Variants in SYNE2 observed in about 807,000 individuals in gnomAD.
SYNE2 encodes the protein nesprin-2.
SYNE2 carries 431 observed loss-of-function variants against 856.3 expected under a neutral mutation model. That is an observed-to-expected ratio of 0.50 (90% CI 0.47 to 0.55). The LOEUF (loss-of-function observed/expected upper bound fraction) is 0.55. Among genes scored for constraint, SYNE2 ranks in the 20% least tolerant of loss-of-function variants. The pLI is 0.00. For missense variants in SYNE2, 8,129 were observed against 8,023.2 expected (o/e 1.01, Z -0.50); for synonymous variants, 2,923 against 2,872.3 (o/e 1.02, Z -0.56).
chr14:63,861,300 A>G (rs1181494800), intron 1 of SYNE2, among the ~76,000 whole-genome samples: 1 of 151,724 alleles, frequency 6.6e-6, no homozygotes, highest in African/African-American at 2.4e-5. Context: ...GCGCACCACC[A>G]CGCCCAGCTA....
intron 112 of SYNE2, among the ~76,000 whole-genome samples, chr14:64,222,667 A>T (rs896775634): frequency 4.6e-5 from 7 of 152,238 alleles, no homozygotes; most frequent in African/African-American, 1.7e-4. Flanking sequence ...CGGAGGTTGC[A>T]GTGAGCCCAG....
chr14:64,018,729 A>G (rs1244968888), intron 34 of SYNE2, among the ~76,000 whole-genome samples: 1 of 152,218 alleles, frequency 6.6e-6, no homozygotes, highest in African/African-American at 2.4e-5. Context: ...CTCCGGCTAT[A>G]GTTAACCTCC....
Position 63,993,875 on chromosome 14 carries a change from A to G in SYNE2, c.2687A>G (p.Tyr896Cys). The G allele has an allele frequency of 1.2e-6, 2 of 1,611,464 alleles. No homozygotes were observed. The highest frequency in any genetic ancestry group is 1.7e-6 in the Non-Finnish European group (2 of 1,178,578). The change falls in exon 22 of 116, where the codon TAT (tyrosine) becomes TGT (cysteine). Residue 896 changes from tyrosine (Y) to cysteine (C), a missense_variant. By Grantham distance (194) the Tyr-to-Cys change is radical (BLOSUM62 -2). Coordinates refer to ENST00000555002, the MANE Select transcript of SYNE2 (RefSeq NM_182914.3). ...TCTAATACAAAAAGTCTGGCCAAGTATTTGAAAGCTGTTGAAGAACTAAAA... is the reference window on the plus strand; with the variant it reads ...TCTAATACAAAAAGTCTGGCCAAGTGTTTGAAAGCTGTTGAAGAACTAAAA... ...IISNTKSLAKYLKAVEELKNN... is the reference protein window; with the variant it reads ...IISNTKSLAKCLKAVEELKNN...
intron 48 of SYNE2, among the ~76,000 whole-genome samples, chr14:64,055,367 CTTTT>C (rs35956880): frequency 7.6e-6 from 1 of 131,918 alleles, no homozygotes; most frequent in Non-Finnish European, 1.6e-5. Context: ...CTGAAAATAA[CTTTT>C]TTTTTTTTTT....
chr14:63,947,042 G>T (rs568420189), intron 6 of SYNE2, among the ~76,000 whole-genome samples: 1 of 152,220 alleles, frequency 6.6e-6, no homozygotes, highest in South Asian at 2.1e-4. Context: ...TAGAGATGGG[G>T]TTTCGCCATG....
At chr14:63,902,463 G>T (rs1262061064) in intron 1 of SYNE2, among the ~76,000 whole-genome samples, 1 of 150,652 alleles carries the variant, frequency 6.6e-6, no homozygotes, top group African/African-American at 2.4e-5. Flanking sequence ...ACTAAACCCT[G>T]GCTTTGTTAC....
intron 23 of SYNE2, among the ~76,000 whole-genome samples, chr14:63,996,637 C>A (rs1297561080): frequency 2.1e-4 from 32 of 152,122 alleles, no homozygotes; most frequent in Non-Finnish European, 2.9e-5. Context: ...GTCCTTATTT[C>A]TTCCACATAT....
chr14:64,017,284 G>T (rs1284778499), intron 33 of SYNE2, among the ~76,000 whole-genome samples: 1 of 125,192 alleles, frequency 8.0e-6, no homozygotes, highest in African/African-American at 3.2e-5. Flanking sequence ...AGCCGAGTTC[G>T]CACCACTGCA....
chr14:63,891,789 G>A (rs2095138266), intron 1 of SYNE2, among the ~76,000 whole-genome samples: 1 of 152,236 alleles, frequency 6.6e-6, no homozygotes, highest in Middle Eastern at 3.4e-3. Flanking sequence ...CACAGTTAAA[G>A]AGAAAGAATG....
chr14:63,909,073 G>A (rs2095441729), intron 1 of SYNE2, 25 bp from the exon 2 acceptor site: 1 of 1,073,718 alleles, frequency 9.3e-7, no homozygotes, highest in Non-Finnish European at 1.4e-6. Context: ...AGTTACTAAT[G>A]AACATTTATC....
intron 30 of SYNE2, 137 bp downstream of exon 30, chr14:64,003,467 T>C: frequency 2.4e-6 from 3 of 1,224,820 alleles, no homozygotes; most frequent in Non-Finnish European, 2.4e-6. Flanking sequence ...AGCATTCTTT[T>C]CTGTAGACTT....
intron 106 of SYNE2, 125 bp downstream of exon 106, chr14:64,214,595 T>TTCCTGTGCTC: frequency 1.1e-6 from 1 of 942,296 alleles, no homozygotes; most frequent in Non-Finnish European, 1.6e-6. Context: ...CTTCTGTGGT[T>TTCCTGTGCTC]TCCTGTGCTC....
intron 84 of SYNE2, among the ~76,000 whole-genome samples, chr14:64,146,828 C>T (rs560490697): frequency 1.2e-3 from 183 of 152,202 alleles, no homozygotes; most frequent in Non-Finnish European, 2.2e-3. Flanking sequence ...TCACGGCAGG[C>T]GGCACACGCT....
intron 95 of SYNE2, among the ~76,000 whole-genome samples, chr14:64,176,840 C>T (rs1384690702): frequency 1.3e-5 from 2 of 151,840 alleles, no homozygotes; most frequent in Non-Finnish European, 2.9e-5. Context: ...CTCTGTCACC[C>T]AGGCTGGAGT....
chr14:64,002,372 A>G (rs2096762078), intron 29 of SYNE2, among the ~76,000 whole-genome samples: 1 of 152,238 alleles, frequency 6.6e-6, no homozygotes, highest in Admixed American at 6.5e-5. Context: ...TACGAGACTC[A>G]TGCTTAAATG....
At chr14:63,946,999 A>G (rs947028901) in intron 6 of SYNE2, among the ~76,000 whole-genome samples, 1 of 151,946 alleles carries the variant, frequency 6.6e-6, no homozygotes, top group Non-Finnish European at 1.5e-5. Context: ...ACAGGTGTAC[A>G]CCACCATGTC....
At chr14:63,785,780 G>C (rs1471631446) in intron 1 of SYNE2, among the ~76,000 whole-genome samples, 2 of 152,078 alleles carry the variant, frequency 1.3e-5, no homozygotes, top group Non-Finnish European at 2.9e-5. Context: ...CACACACTTG[G>C]TTTAAAGACT....
At chr14:64,192,453 G>T (rs901962757) in intron 99 of SYNE2, among the ~76,000 whole-genome samples, 10 of 152,068 alleles carry the variant, frequency 6.6e-5, no homozygotes, top group Admixed American at 5.2e-4. Flanking sequence ...CAGGCTATTT[G>T]CTTTCCTCGC....
At chr14:64,100,531 A>AAAAAAAT (rs1491537041) in intron 63 of SYNE2, among the ~76,000 whole-genome samples, 1 of 39,496 alleles carries the variant, frequency 2.5e-5, no homozygotes, top group Non-Finnish European at 4.7e-5. Context: ...AAAAAAAAAA[A>AAAAAAAT]ATATATATAT....
Sources: allele counts gnomAD v4.1 joint callset (sites outside exome capture counted in the v4.1 genomes callset), GRCh38; gene constraint gnomAD v4.1.1; transcripts MANE v1.5; gene names NCBI Gene and HGNC (gene_info 2026-07-23, HGNC 2026-07-21).